The following RPTOR variants were observed in gnomAD, a reference collection of about 807,000 sequenced individuals.
RPTOR encodes the protein regulatory-associated protein of mTOR.
A neutral mutation model predicts 169.9 loss-of-function variants in RPTOR; 21 were observed. The ratio of observed to expected loss-of-function variants is 0.12; its 90% CI spans 0.09 to 0.18. RPTOR has a LOEUF of 0.18. Ranked by LOEUF, RPTOR falls within the 10% of genes least tolerant of loss-of-function variation. The pLI is 1.00. For synonymous variants in RPTOR, 732 were observed against 753.2 expected (o/e 0.97, Z 0.46); for missense variants, 1,133 against 1,855.9 (o/e 0.61, Z 7.16).
chr17:80,767,572 C>A (rs1024956544), intron 6 of RPTOR, among the ~76,000 whole-genome samples: 1 of 152,128 alleles, frequency 6.6e-6, no homozygotes, highest in Non-Finnish European at 1.5e-5. Context: ...GGTTAACAAC[C>A]ATTCAAAGAC....
chr17:80,920,745 A>C (rs1416543686), intron 21 of RPTOR, among the ~76,000 whole-genome samples: 1 of 152,226 alleles, frequency 6.6e-6, no homozygotes, highest in African/African-American at 2.4e-5. Flanking sequence ...GGTTTTGCTA[A>C]AGGCTTCATT....
intron 25 of RPTOR, 34 bp downstream of exon 25, chr17:80,940,635 T>G: frequency 6.4e-7 from 1 of 1,552,746 alleles, no homozygotes; most frequent in Non-Finnish European, 8.8e-7. Flanking sequence ...CAGGGGCTCA[T>G]TCCGGGGGTG....
intron 4 of RPTOR, among the ~76,000 whole-genome samples, chr17:80,714,769 G>T (rs1004235284): frequency 6.6e-6 from 1 of 152,170 alleles, no homozygotes; most frequent in Non-Finnish European, 1.5e-5. Context: ...TGTCGCCCAG[G>T]CTGGAGTGCA....
chr17:80,911,254 C>T (rs947428427), intron 21 of RPTOR, among the ~76,000 whole-genome samples: 10 of 152,120 alleles, frequency 6.6e-5, no homozygotes, highest in African/African-American at 2.2e-4. Context: ...CCTTCGTCAC[C>T]GCATCCCTGC....
At position 80,925,554 on chromosome 17, in the gene RPTOR, G is replaced by C. The variant is rs1298749616; in HGVS notation, c.2919+74G>C. On this transcript the variant is annotated intron_variant, in intron 24 of 33. Transcript: ENST00000306801. ...CTGTCCCACTTCTTTGAGCATAAAC[G>C]CTCAAGGCTTGTGGCTGTGGGAGCG... 5 of 1,232,642 alleles carry C rather than the reference G, an allele frequency of 4.1e-6. No individual in the cohort carries two copies. In the Admixed American group the frequency reaches 8.8e-5, roughly 22 times the overall value. 76.4% of individuals were successfully genotyped at this position (1,232,642 alleles called of 1,614,324 possible).
intron 3 of RPTOR, among the ~76,000 whole-genome samples, chr17:80,664,445 A>G (rs1312388421): frequency 6.6e-6 from 1 of 151,944 alleles, no homozygotes; most frequent in African/African-American, 2.4e-5. Context: ...TCGATGGCCT[A>G]CCATCCTGCA....
intron 24 of RPTOR, 40 bp from the exon 25 acceptor site, chr17:80,940,456 T>C (rs2069010594): frequency 1.9e-6 from 3 of 1,568,266 alleles, no homozygotes; most frequent in Non-Finnish European, 2.6e-6. Flanking sequence ...ACAACCCTGT[T>C]TCATCGCTGG....
chr17:80,710,320 C>T (rs1260500231), intron 4 of RPTOR, among the ~76,000 whole-genome samples: 1 of 151,916 alleles, frequency 6.6e-6, no homozygotes, highest in Admixed American at 6.6e-5. Context: ...ATTTGTCCTT[C>T]TTGTCTTGGT....
intron 24 of RPTOR, 195 bp from the exon 25 acceptor site, chr17:80,940,301 C>T (rs1264641833): frequency 1.5e-5 from 8 of 523,504 alleles, no homozygotes; most frequent in Non-Finnish European, 2.4e-5. Context: ...TCGGGTATGG[C>T]GGGCAAGCTA....
chr17:80,887,743 T>C (rs2143853515), intron 17 of RPTOR, among the ~76,000 whole-genome samples: 1 of 152,332 alleles, frequency 6.6e-6, no homozygotes, highest in African/African-American at 2.4e-5. Context: ...CATCCTACTT[T>C]TTAATAATAA....
Position 80,946,784 on chromosome 17 carries a change from G to T in RPTOR, c.3141-443G>T, listed in dbSNP as rs192348426. On this transcript the variant is annotated intron_variant, in intron 26 of 33. Transcript: ENST00000306801. ...GTGAATAACACTGCTGTGAACATTG[G>T]TGTACAAGTATCTGTTCAAGTTCCT... is the stretch of plus-strand genomic sequence containing the variant. 9.2e-5 allele frequency among the ~76,000 whole-genome samples: 14 copies of T among 152,350 alleles called. No individual in the cohort carries two copies. The East Asian group carries it at 2.7e-3, about 29-fold the overall frequency.
chr17:80,774,242 A>C, intron 6 of RPTOR: 1 of 985,390 alleles, frequency 1.0e-6, no homozygotes, highest in Non-Finnish European at 1.2e-6. Context: ...CGCCCGTGTG[A>C]TGATGATGCT....
chr17:80,744,529 C>T (rs200251728), intron 5 of RPTOR, among the ~76,000 whole-genome samples: 187 of 7,784 alleles, frequency 0.024, 4 homozygotes, highest in East Asian at 0.065. Flanking sequence ...ACAGCCCTGG[C>T]TACTAGCACA....
intron 6 of RPTOR, among the ~76,000 whole-genome samples, chr17:80,765,152 C>T (rs1025466083): frequency 6.6e-6 from 1 of 152,214 alleles, no homozygotes; most frequent in Non-Finnish European, 1.5e-5. Context: ...CGCTGTCCGT[C>T]GCATCTCTGC....
chr17:80,923,795 G>A (rs578073860), intron 23 of RPTOR, 122 bp downstream of exon 23: 30 of 1,099,724 alleles, frequency 2.7e-5, no homozygotes, highest in Admixed American at 2.6e-4. Context: ...CCACCCTGCC[G>A]TCCTGGGTCT....
At chr17:80,800,515 CT>C (rs1701558391) in intron 7 of RPTOR, among the ~76,000 whole-genome samples, 1 of 152,184 alleles carries the variant, frequency 6.6e-6, no homozygotes, top group African/African-American at 2.4e-5. Context: ...GGAGAGGAAT[CT>C]GTTTTCTAAT....
At chr17:80,583,512 C>A (rs546562809) in intron 1 of RPTOR, among the ~76,000 whole-genome samples, 1 of 152,288 alleles carries the variant, frequency 6.6e-6, no homozygotes, top group South Asian at 2.1e-4. Flanking sequence ...CTTTCTGAGG[C>A]CTGTCCCACG....
intron 7 of RPTOR, among the ~76,000 whole-genome samples, chr17:80,799,782 C>T (rs1256772467): frequency 6.6e-6 from 1 of 151,934 alleles, no homozygotes; most frequent in African/African-American, 2.4e-5. Context: ...CCCTTCCCTC[C>T]CCGGCGACCC....
At chr17:80,681,704 C>G (rs71368075) in intron 3 of RPTOR, among the ~76,000 whole-genome samples, 3 of 93,352 alleles carry the variant, frequency 3.2e-5, no homozygotes, top group Middle Eastern at 5.3e-3. Flanking sequence ...GTCTCTTACA[C>G]CTTCATGAGG....
Sources: allele counts gnomAD v4.1 joint callset (sites outside exome capture counted in the v4.1 genomes callset), GRCh38; gene constraint gnomAD v4.1.1; transcripts MANE v1.5; gene names NCBI Gene and HGNC (gene_info 2026-07-23, HGNC 2026-07-21).